Variants in LRRC4C observed in about 807,000 individuals in gnomAD.
LRRC4C encodes the protein leucine rich repeat containing 4C, also known as leucine-rich repeat-containing protein 4C.
In LRRC4C, 5 loss-of-function variants were observed where a neutral mutation model predicts 33.6. The observed-to-expected ratio is 0.15, with a 90% confidence interval of 0.08 to 0.31. LRRC4C has a LOEUF of 0.31. LRRC4C is among the 10% of genes least tolerant of loss of function. The pLI, the probability that LRRC4C is intolerant of heterozygous loss-of-function variation, is 1.00. For missense variants in LRRC4C, 560 were observed against 796.7 expected, an observed-to-expected ratio of 0.70 and a Z score of 3.58; for synonymous variants, 329 against 302.0, an observed-to-expected ratio of 1.09 and a Z score of -0.93.
intron 6 of LRRC4C, among the ~76,000 whole-genome samples, chr11:40,117,594 CACCA>C (rs1855525282): frequency 6.6e-6 from 1 of 151,866 alleles, no homozygotes; most frequent in African/African-American, 2.4e-5. Context: ...TCCAAGTATA[CACCA>C]CACTCAGCTG....
At chr11:41,247,837 TA>T (rs5791428) in intron 1 of LRRC4C, among the ~76,000 whole-genome samples, 88,956 of 151,968 alleles carry the variant, frequency 0.59, 27,133 homozygotes, top group South Asian at 0.71. Flanking sequence ...GATTCCAATT[TA>T]AATCAACTTG....
chr11:40,741,689 C>A (rs1484477948), intron 2 of LRRC4C, among the ~76,000 whole-genome samples: 1 of 151,934 alleles, frequency 6.6e-6, no homozygotes, highest in Non-Finnish European at 1.5e-5. Context: ...TTCAAAAAAT[C>A]AAAATTTTAG....
intron 1 of LRRC4C, among the ~76,000 whole-genome samples, chr11:41,408,881 T>C (rs556728397): frequency 2.7e-4 from 41 of 152,214 alleles, no homozygotes; most frequent in African/African-American, 9.6e-4. Flanking sequence ...CTATTCACTA[T>C]GGTGAAGTTT....
chr11:40,936,958 A>G (rs886819000), intron 1 of LRRC4C, among the ~76,000 whole-genome samples: 1 of 152,184 alleles, frequency 6.6e-6, no homozygotes, highest in African/African-American at 2.4e-5. Context: ...TTTGGGGAAC[A>G]TCTGGAAGAC....
At chr11:40,488,333 C>T (rs1030176761) in intron 3 of LRRC4C, among the ~76,000 whole-genome samples, 1 of 152,010 alleles carries the variant, frequency 6.6e-6, no homozygotes, top group Non-Finnish European at 1.5e-5. Flanking sequence ...GGCATCTTGC[C>T]TTGTAACTTT....
chr11:40,873,369 A>C (rs1196600565), intron 2 of LRRC4C, among the ~76,000 whole-genome samples: 4 of 152,164 alleles, frequency 2.6e-5, no homozygotes, highest in Non-Finnish European at 5.9e-5. Context: ...TCTGTATCAG[A>C]AACTGCCACA....
intron 1 of LRRC4C, among the ~76,000 whole-genome samples, chr11:40,956,624 A>C (rs1463357954): frequency 6.6e-6 from 1 of 151,808 alleles, no homozygotes; most frequent in Non-Finnish European, 1.5e-5. Context: ...GATAGAAAAC[A>C]TAGATTAATA....
At chr11:40,142,661 G>T (rs1012875159) in intron 5 of LRRC4C, among the ~76,000 whole-genome samples, 1 of 151,934 alleles carries the variant, frequency 6.6e-6, no homozygotes, top group Admixed American at 6.6e-5. Flanking sequence ...AACATCCATT[G>T]CTGGTTGTGT....
chr11:41,221,744 A>C (rs1175676152), intron 1 of LRRC4C, among the ~76,000 whole-genome samples: 6 of 152,206 alleles, frequency 3.9e-5, no homozygotes, highest in Admixed American at 3.9e-4. Context: ...GGAAAGAATA[A>C]ATTTATACTT....
chr11:40,660,493 C>G (rs1436492026), intron 2 of LRRC4C, among the ~76,000 whole-genome samples: 2 of 152,214 alleles, frequency 1.3e-5, no homozygotes, highest in Non-Finnish European at 2.9e-5. Flanking sequence ...ATATTTCTGT[C>G]CAAAATTCTT....
chr11:41,407,777 G>C (rs1954298864), intron 1 of LRRC4C, among the ~76,000 whole-genome samples: 1 of 152,116 alleles, frequency 6.6e-6, no homozygotes, highest in Non-Finnish European at 1.5e-5. Flanking sequence ...CAAATATTCT[G>C]TTTACTTGGC....
intron 3 of LRRC4C, among the ~76,000 whole-genome samples, chr11:40,361,283 A>G (rs1207042023): frequency 1.3e-5 from 2 of 152,178 alleles, no homozygotes; most frequent in African/African-American, 4.8e-5. Flanking sequence ...CAGCATTCAG[A>G]TAGAAAGAGA....
chr11:40,477,985 G>C (rs1953331271), intron 3 of LRRC4C, among the ~76,000 whole-genome samples: 1 of 152,106 alleles, frequency 6.6e-6, no homozygotes, highest in Non-Finnish European at 1.5e-5. Context: ...TTACAAATGG[G>C]AGTTTCCCTG....
At chr11:41,125,048 T>C (rs1447214105) in intron 1 of LRRC4C, among the ~76,000 whole-genome samples, 1 of 152,050 alleles carries the variant, frequency 6.6e-6, no homozygotes, top group African/African-American at 2.4e-5. Flanking sequence ...AGCATCAGGG[T>C]ATTTGAAGAT....
chr11:41,123,261 GTTTTTTT>G (rs1217714729), intron 1 of LRRC4C, among the ~76,000 whole-genome samples: 3 of 48,086 alleles, frequency 6.2e-5, no homozygotes, highest in Non-Finnish European at 9.6e-5. Flanking sequence ...GCTATGTTTT[GTTTTTTT>G]TTTTTTTTTT....
At chr11:40,648,771 C>T (rs2861929) in intron 2 of LRRC4C, among the ~76,000 whole-genome samples, 56,527 of 152,008 alleles carry the variant, frequency 0.37, 11,696 homozygotes, top group East Asian at 0.6. Flanking sequence ...AAATTGTAAT[C>T]GGGAGAACCC....
chr11:40,400,390 T>C (rs1015619624), intron 3 of LRRC4C, among the ~76,000 whole-genome samples: 1 of 152,170 alleles, frequency 6.6e-6, no homozygotes. Flanking sequence ...CTTTCATCAT[T>C]TTAAAATTAC....
intron 1 of LRRC4C, among the ~76,000 whole-genome samples, chr11:41,132,296 T>C (rs566466353): frequency 2.1e-4 from 32 of 152,312 alleles, no homozygotes; most frequent in African/African-American, 7.5e-4. Flanking sequence ...TACAGAATAT[T>C]ATTAACAAAT....
At chr11:40,475,894 C>T (rs140843097) in intron 3 of LRRC4C, among the ~76,000 whole-genome samples, 3 of 152,122 alleles carry the variant, frequency 2.0e-5, no homozygotes, top group African/African-American at 7.2e-5. Context: ...TTGCTACTTA[C>T]CAGTGTGCCT....
Sources: allele counts gnomAD v4.1 joint callset (sites outside exome capture counted in the v4.1 genomes callset), GRCh38; gene constraint gnomAD v4.1.1; transcripts MANE v1.5; gene names NCBI Gene and HGNC (gene_info 2026-07-23, HGNC 2026-07-21).